PLCB3: variants seen among roughly 807,000 people sequenced by gnomAD.
PLCB3 encodes 1-phosphatidylinositol 4,5-bisphosphate phosphodiesterase beta-3.
PLCB3 carries 54 observed loss-of-function variants against 152.1 expected under a neutral mutation model. That is an observed-to-expected ratio of 0.36 (90% CI 0.29 to 0.45). The LOEUF (loss-of-function observed/expected upper bound fraction) is 0.45. Ranked by LOEUF, PLCB3 falls within the 20% of genes least tolerant of loss-of-function variation. PLCB3 has a pLI of 1.00. For synonymous variants in PLCB3, 717 were observed against 698.7 expected (o/e 1.03, Z -0.41); for missense variants, 1,248 against 1,687.5 (o/e 0.74, Z 4.56).
rs1170583245 is a variant in PLCB3 at position 64,266,002 on chromosome 11, A to C, written c.3152A>C (p.Asp1051Ala). 1.2e-6 allele frequency: 2 copies of C among 1,613,930 alleles called. No homozygotes were observed. Among genetic ancestry groups the C allele is most frequent in the Non-Finnish European group, 1.7e-6 (2 of 1,179,992 alleles). ...SLLELREAQV[D>A]AEAQRRLEHL... ...CTGGAGCTGCGGGAGGCCCAGGTGG[A>C]CGCAGAGGCCCAGCGGAGGCTGGAA... Residue 1051 changes from aspartate (D) to alanine (A), a missense_variant, in exon 26 of 31, where the codon GAC becomes GCC. Physicochemically the swap from Asp to Ala is moderately radical, Grantham distance 126. Transcript: ENST00000279230. This position sits in a 1 kb window ranked among gnomAD's most constrained non-coding sequence, Gnocchi z 4.9.
chr11:64,262,372 C>A, intron 17 of PLCB3, 35 bp from the exon 18 acceptor site: 2 of 1,605,714 alleles, frequency 1.2e-6, no homozygotes, highest in South Asian at 1.1e-5. Flanking sequence ...CCTGCCTGAT[C>A]CCTGCCCCTG....
intron 10 of PLCB3, among the ~76,000 whole-genome samples, chr11:64,257,242 G>T (rs1016191274): frequency 2.0e-5 from 3 of 152,124 alleles, no homozygotes; most frequent in Non-Finnish European, 4.4e-5. Context: ...AACCTCAGGT[G>T]ATCCGCCTGC....
At position 64,258,498 on chromosome 11, in the gene PLCB3, G is replaced by A. The variant is rs1436076851; in HGVS notation, c.1038G>A (p.Ser346=). ...LTAGQLAGTS[S]VEMYRQALLW... Reference sequence around the variant, plus strand: ...CGGGGCAGCTGGCTGGGACCTCGTCGGTGGAGATGTACCGCCAGGCACTAC... The same window carrying A: ...CGGGGCAGCTGGCTGGGACCTCGTCAGTGGAGATGTACCGCCAGGCACTAC... Residue 346 remains serine (S), a synonymous_variant, in exon 11 of 31, where the codon TCG becomes TCA. Transcript: ENST00000279230. The surrounding 1 kb of genome is among the most constrained non-coding windows in gnomAD (Gnocchi z 7.2). The A allele has an allele frequency of 1.9e-6, 3 of 1,613,400 alleles. No homozygotes were observed. In the African/African-American group the frequency reaches 4.0e-5, roughly 22 times the overall value.
chr11:64,267,126 C>A lies in PLCB3; in HGVS notation c.3415-59C>A. 1 of 1,473,150 alleles carries A rather than the reference C, an allele frequency of 6.8e-7. No individual in the cohort carries two copies. The highest frequency in any genetic ancestry group is 1.2e-5 in the South Asian group (1 of 82,426). 91.3% of individuals were successfully genotyped at this position (1,473,150 alleles called of 1,614,324 possible). On this transcript the variant is annotated intron_variant, in intron 29 of 30. Coordinates refer to ENST00000279230, the MANE Select transcript of PLCB3 (RefSeq NM_000932.5). The surrounding 1 kb of genome is among the most constrained non-coding windows in gnomAD (Gnocchi z 5.2). ...CCTGACTTCTATACCCAGCCAGAGCCTCGAGGCTCTAGCCCCTCCCTCAGG... is the reference window on the plus strand; with the variant it reads ...CCTGACTTCTATACCCAGCCAGAGCATCGAGGCTCTAGCCCCTCCCTCAGG...
Position 64,261,515 on chromosome 11 carries a change from C to T in PLCB3, c.1828+19C>T. The T allele has an allele frequency of 6.2e-7, 1 of 1,611,296 alleles. No homozygotes were observed. Among genetic ancestry groups the T allele is most frequent in the East Asian group, 2.2e-5 (1 of 44,874 alleles). On this transcript the variant is annotated intron_variant, in intron 15 of 30. Transcript: ENST00000279230. ...GCTCGAAGTGAGTGGGGGTGGGTGG[C>T]AGGCATGGGAGCTTGCCCAGCTCAG...
At chr11:64,263,656 C>T in intron 20 of PLCB3, 35 bp from the exon 21 acceptor site, 1 of 1,605,970 alleles carries the variant, frequency 6.2e-7, no homozygotes, top group Non-Finnish European at 8.5e-7. Context: ...CCCCACCTGG[C>T]CCAGCAACCC....
At chr11:64,251,804 G>C (rs1009232158) in intron 1 of PLCB3, 56 bp downstream of exon 1, 1 of 1,073,042 alleles carries the variant, frequency 9.3e-7, no homozygotes, top group Non-Finnish European at 1.3e-6. Context: ...AGTCAAGCTC[G>C]ACCAGACGCT....
chr11:64,259,156 C>T lies in PLCB3; in HGVS notation c.1437C>T (p.Asp479=), dbSNP rs2031704394. The T allele has an allele frequency of 1.2e-6, 2 of 1,608,178 alleles. No individual in the cohort carries two copies. Among genetic ancestry groups the T allele is most frequent in the Non-Finnish European group, 1.7e-6 (2 of 1,177,782 alleles). The change falls in exon 13 of 31, where the codon GAC becomes GAT. Residue 479 remains aspartate (D), a synonymous_variant. Transcript: ENST00000279230. ...ACCGACCCAGCGCAGGTGGCCCAGACAGCGCCGGGCGCAAGCGGCCCCTGG... is the reference window on the plus strand; with the variant it reads ...ACCGACCCAGCGCAGGTGGCCCAGATAGCGCCGGGCGCAAGCGGCCCCTGG... ...KRHRPSAGGP[D]SAGRKRPLEQ... is the part of the protein sequence containing the mutation.
At position 64,255,700 on chromosome 11, in the gene PLCB3, C is replaced by T; in HGVS notation, c.598-21C>T. On this transcript the variant is annotated intron_variant, in intron 7 of 30. Transcript: ENST00000279230. This position sits in a 1 kb window ranked among gnomAD's most constrained non-coding sequence, Gnocchi z 6.8. ...GGGCTGCCCGCCCCTGGCTTCTCAC[C>T]CCACACTCCTCGACCTCCAGAGTGA... 6.2e-7 allele frequency: 1 copy of T among 1,611,548 alleles called. No individual in the cohort carries two copies. The highest frequency in any genetic ancestry group is 8.5e-7 in the Non-Finnish European group (1 of 1,177,936).
chr11:64,256,658 C>G lies in PLCB3; in HGVS notation c.906C>G (p.Gly302=), dbSNP rs139633637. ...AGGGCTTTAGCCGCTACCTGGGAGG[C>G]GAGGAGAATGGCATCCTGCCCCTGG... The part of the protein sequence containing the change: ...SMEGFSRYLG[G]EENGILPLEA... Residue 302 remains glycine (G), a synonymous_variant, in exon 10 of 31, where the codon GGC becomes GGG. Transcript: ENST00000279230. 2 of 1,614,186 alleles carry G rather than the reference C, an allele frequency of 1.2e-6. No individual in the cohort carries two copies. The highest frequency in any genetic ancestry group is 2.2e-5 in the East Asian group (1 of 44,890).
At position 64,264,258 on chromosome 11, in the gene PLCB3, C is replaced by T. The variant is rs557100621; in HGVS notation, c.2652+146C>T. The T allele has an allele frequency of 2.6e-5, 14 of 534,658 alleles. No individual in the cohort carries two copies. In the South Asian group the frequency reaches 2.8e-4, roughly 11 times the overall value. 33.1% of individuals were successfully genotyped at this position (534,658 alleles called of 1,614,324 possible). A position where few individuals can be genotyped will look rare whatever the true frequency, so the allele number is the denominator to read the frequency against. ...TGGGATTTTGAGGAGATGAAAACCA[C>T]CCATTTGCATTCAGGAGGCCTTCAG... On this transcript the variant is annotated intron_variant, in intron 22 of 30. Transcript: ENST00000279230.
rs199645363 is a variant in PLCB3, at chr11:64,255,401, C to G, written c.473C>G (p.Thr158Arg). ...SRNTFLRKAYTKLKLQVNQDG... is the reference protein window; with the variant it reads ...SRNTFLRKAYRKLKLQVNQDG... ...CTCTTCATCTGCCTTCCCAGATACACGAAGCTGAAGCTGCAGGTGAACCAG... is the reference window on the plus strand; with the variant it reads ...CTCTTCATCTGCCTTCCCAGATACAGGAAGCTGAAGCTGCAGGTGAACCAG... The change falls in exon 6 of 31, where the codon ACG becomes AGG. Residue 158 changes from threonine (T) to arginine (R), a missense_variant. Thr to Arg is a moderately conservative substitution (Grantham distance 71). This residue lies in a region of PLCB3 where 299 missense variants were observed against 434.7 expected (regional missense o/e 0.69). Transcript: ENST00000279230. This position sits in a 1 kb window ranked among gnomAD's most constrained non-coding sequence, Gnocchi z 6.8. The G allele has an allele frequency of 6.2e-7, 1 of 1,614,142 alleles. No homozygotes were observed. The highest frequency in any genetic ancestry group is 1.7e-5 in the Admixed American group (1 of 60,036).
chr11:64,265,737 G>C (rs770963268), intron 25 of PLCB3, 149 bp from the exon 26 acceptor site: 1 of 1,226,166 alleles, frequency 8.2e-7, no homozygotes, highest in Non-Finnish European at 1.1e-6. Context: ...CACTTGGGTG[G>C]AGCTAACAGG....
intron 1 of PLCB3, among the ~76,000 whole-genome samples, chr11:64,252,879 C>T (rs2031307463): frequency 6.6e-6 from 1 of 152,100 alleles, no homozygotes; most frequent in South Asian, 2.1e-4. Flanking sequence ...CTTTGAGGTC[C>T]AGACCCCTGG....
Position 64,266,245 on chromosome 11 carries a change from A to G in PLCB3, c.3266+43A>G. On this transcript the variant is annotated intron_variant, in intron 27 of 30. Coordinates refer to ENST00000279230, the MANE Select transcript of PLCB3 (RefSeq NM_000932.5). This position sits in a 1 kb window ranked among gnomAD's most constrained non-coding sequence, Gnocchi z 4.9. ...TCTATGGGAAGGGCTGGGGACTTCT[A>G]GTACCAGAAGGAGGGCAGAGTCTGT... 2 of 1,613,362 alleles carry G rather than the reference A, an allele frequency of 1.2e-6. No homozygotes were observed. Among genetic ancestry groups the G allele is most frequent in the Non-Finnish European group, 1.7e-6 (2 of 1,179,482 alleles).
At chr11:64,262,329 C>T in intron 17 of PLCB3, 78 bp from the exon 18 acceptor site, 1 of 1,542,460 alleles carries the variant, frequency 6.5e-7, no homozygotes, top group Non-Finnish European at 8.9e-7. Context: ...TGCCATCTGA[C>T]CTGATGATCT....
In PLCB3 at chr11:64,255,073, CTG is replaced by C; in HGVS notation, c.387+37_387+38del. On this transcript the variant is annotated intron_variant, in intron 4 of 30. Transcript: ENST00000279230. This position sits in a 1 kb window ranked among gnomAD's most constrained non-coding sequence, Gnocchi z 6.8. ...CACCAAGGGGACGAAGGGGGAGTCACTGTCTTATTCTGTGAGTCGGCCGTCAC... is the reference window on the plus strand; with the variant it reads ...CACCAAGGGGACGAAGGGGGAGTCACTCTTATTCTGTGAGTCGGCCGTCAC... 1 of 1,573,544 alleles carries C rather than the reference CTG, an allele frequency of 6.4e-7. No homozygotes were observed. The highest frequency in any genetic ancestry group is 8.7e-7 in the Non-Finnish European group (1 of 1,155,306).
In PLCB3 at chr11:64,265,225, CAGGTAGGGGGCGGGGTACCTGG is replaced by C. The variant is rs1379649544; in HGVS notation, c.2842+2_2842+23del. On this transcript the variant is annotated splice_donor_variant and splice_donor_5th_base_variant and coding_sequence_variant and intron_variant, in exon 24 of 31. Coordinates refer to ENST00000279230, the MANE Select transcript of PLCB3 (RefSeq NM_000932.5). LOFTEE classifies it high-confidence loss of function. ...GATGATCTCATCGCCAGCATCCTCT[CAGGTAGGGGGCGGGGTACCTGG>C]AGGCAGGGGGCTGCCTTGCAGGTTC... 3 of 1,599,528 alleles carry C rather than the reference CAGGTAGGGGGCGGGGTACCTGG, an allele frequency of 1.9e-6. No homozygotes were observed. In the African/African-American group the frequency reaches 4.0e-5, roughly 21 times the overall value.
At position 64,254,760 on chromosome 11, in the gene PLCB3, C is replaced by G; in HGVS notation, c.190C>G (p.Leu64Val). Residue 64 changes from leucine to valine, a missense_variant, in exon 3 of 31, where the codon CTG (leucine) becomes GTG (valine). By Grantham distance (32) the Leu-to-Val change is conservative (BLOSUM62 1). Transcript: ENST00000279230. ...WTGPNMEVDTLDISSIRDTRT... is the reference protein window; with the variant it reads ...WTGPNMEVDTVDISSIRDTRT... ...TGGTTCCCCCCAGGAGGTGGACACACTGGACATCAGTTCCATCAGGGACAC... is the reference window on the plus strand; with the variant it reads ...TGGTTCCCCCCAGGAGGTGGACACAGTGGACATCAGTTCCATCAGGGACAC... The G allele has an allele frequency of 6.2e-7, 1 of 1,613,126 alleles. No homozygotes were observed. Among genetic ancestry groups the G allele is most frequent in the Non-Finnish European group, 8.5e-7 (1 of 1,179,892 alleles).
Sources: gnomAD v4.1 joint callset for allele counts (sites outside exome capture counted in the v4.1 genomes callset) on GRCh38, gnomAD v4.1.1 for gene constraint, gnomAD v4.1.1 regional missense constraint, Gnocchi (gnomAD v3.1) non-coding constraint, MANE v1.5 for transcripts, NCBI Gene and HGNC (gene_info 2026-07-23, HGNC 2026-07-21) for gene names.